The following CSMD1 variants were observed in gnomAD, a reference collection of about 807,000 sequenced individuals.
The protein encoded by CSMD1 is CUB and Sushi multiple domains 1, also known as CUB and sushi domain-containing protein 1.
A neutral mutation model predicts 417.5 loss-of-function variants in CSMD1; 213 were observed. The observed-to-expected ratio is 0.51, with a 90% CI of 0.46 to 0.57. The LOEUF is 0.57. Ranked by LOEUF, CSMD1 falls within the 20% of genes least tolerant of loss-of-function variation. CSMD1 has a pLI of 0.00. For synonymous variants in CSMD1, 2,862 were observed against 1,736.8 expected, an observed-to-expected ratio of 1.65 and a Z score of -16.11; for missense variants, 6,923 against 4,529.7, an observed-to-expected ratio of 1.53 and a Z score of -15.17.
chr8:4,665,323 T>C (rs1395888363), intron 1 of CSMD1, among the ~76,000 whole-genome samples: 2 of 152,212 alleles, frequency 1.3e-5, no homozygotes, highest in Admixed American at 1.3e-4. Flanking sequence ...CTTTGAAATT[T>C]GTAAGGTAAA....
chr8:3,443,848 G>T (rs1815141768), intron 12 of CSMD1, among the ~76,000 whole-genome samples: 1 of 152,284 alleles, frequency 6.6e-6, no homozygotes, highest in East Asian at 1.9e-4. Context: ...TGATGCATAT[G>T]GAAATGTTGG....
intron 3 of CSMD1, among the ~76,000 whole-genome samples, chr8:4,270,264 T>G (rs1162843109): frequency 6.6e-6 from 1 of 152,182 alleles, no homozygotes; most frequent in East Asian, 1.9e-4. Context: ...ATAGTTCTCA[T>G]TTTTAATTAA....
intron 3 of CSMD1, among the ~76,000 whole-genome samples, chr8:4,149,030 C>T (rs1796431921): frequency 1.3e-5 from 2 of 150,848 alleles, no homozygotes; most frequent in Admixed American, 1.3e-4. Context: ...GTGGCACAAT[C>T]TTTGCTCACT....
chr8:3,954,829 G>C (rs186859161), intron 5 of CSMD1, among the ~76,000 whole-genome samples: 19 of 152,222 alleles, frequency 1.2e-4, no homozygotes, highest in Admixed American at 1.2e-3. Context: ...AGCATGCGCA[G>C]TGTGGCAGGG....
At chr8:3,024,597 A>G (rs144205512) in intron 51 of CSMD1, among the ~76,000 whole-genome samples, 2 of 152,292 alleles carry the variant, frequency 1.3e-5, no homozygotes, top group African/African-American at 4.8e-5. Context: ...ATGAGCCACC[A>G]TGCCTAGCCT....
intron 3 of CSMD1, among the ~76,000 whole-genome samples, chr8:4,041,344 G>A (rs1416963367): frequency 6.6e-6 from 1 of 151,982 alleles, no homozygotes; most frequent in Non-Finnish European, 1.5e-5. Flanking sequence ...AACACTAGAA[G>A]AATTAATCCA....
chr8:3,407,901 G>T lies in CSMD1; in HGVS notation c.2069C>A (p.Thr690Asn). ...GTTGACTGTGTGGGCGTACTTACTGGTGTAAGTGATGTTGAACCCTCTGCC... is the reference window on the plus strand; with the variant it reads ...GTTGACTGTGTGGGCGTACTTACTGTTGTAAGTGATGTTGAACCCTCTGCC... ...TTGRGFNITY[T>N]TFGQNECHDP... Residue 690 changes from threonine (T) to asparagine (N), a missense_variant and splice_region_variant, in exon 14 of 70, where the codon ACC becomes AAC. Transcript: ENST00000635120. The T allele has an allele frequency of 6.2e-7, 1 of 1,604,204 alleles. No homozygotes were observed. The highest frequency in any genetic ancestry group is 1.3e-5 in the African/African-American group (1 of 74,868).
In CSMD1 at chr8:4,143,147, C is replaced by A. The variant is rs541594226; in HGVS notation, c.416-111048G>T. 2.1e-5 allele frequency among the ~76,000 whole-genome samples: 3 copies of A among 139,812 alleles called. No individual in the cohort carries two copies. The South Asian group carries it at 7.1e-4, about 33-fold the overall frequency. 91.7% of individuals were successfully genotyped at this position (139,812 alleles called of 152,430 possible). On this transcript the variant is annotated intron_variant, in intron 3 of 69. Transcript: ENST00000635120. The stretch of plus-strand genomic sequence containing the variant: ...ATTGGAATTAGCATTTCTAGAGAAA[C>A]AAATGCACTAGCAAATGTGAGTGTT...
At chr8:4,110,010 C>G (rs544095376) in intron 3 of CSMD1, among the ~76,000 whole-genome samples, 132 of 152,194 alleles carry the variant, frequency 8.7e-4, no homozygotes, top group African/African-American at 3.1e-3. Flanking sequence ...CCTGTGTTAA[C>G]TAAAATGATT....
chr8:2,994,393 G>A (rs1457397808), intron 54 of CSMD1, among the ~76,000 whole-genome samples: 2 of 152,078 alleles, frequency 1.3e-5, no homozygotes, highest in Non-Finnish European at 2.9e-5. Flanking sequence ...ACAGAAGTGT[G>A]CACCTGCTGT....
chr8:4,745,744 C>G (rs577056102), intron 1 of CSMD1, among the ~76,000 whole-genome samples: 1 of 152,254 alleles, frequency 6.6e-6, no homozygotes, highest in East Asian at 1.9e-4. Flanking sequence ...GTAACACTCT[C>G]CAACATATTT....
intron 3 of CSMD1, among the ~76,000 whole-genome samples, chr8:4,285,716 G>A (rs1192911086): frequency 1.3e-5 from 2 of 152,134 alleles, no homozygotes; most frequent in Non-Finnish European, 2.9e-5. Flanking sequence ...AAACAGTCAG[G>A]GCCACAGGCT....
intron 5 of CSMD1, among the ~76,000 whole-genome samples, chr8:3,920,841 G>C (rs1271069877): frequency 6.6e-6 from 1 of 152,102 alleles, no homozygotes; most frequent in Non-Finnish European, 1.5e-5. Context: ...TGTGGTGTAT[G>C]ATCCCTTTAA....
At chr8:3,294,887 T>G (rs1389073929) in intron 25 of CSMD1, among the ~76,000 whole-genome samples, 4 of 152,198 alleles carry the variant, frequency 2.6e-5, no homozygotes, top group Admixed American at 6.5e-5. Context: ...TAGTTGGAAA[T>G]GGAGAAATCG....
chr8:3,474,530 G>T (rs1463610049), intron 11 of CSMD1, among the ~76,000 whole-genome samples: 1 of 152,112 alleles, frequency 6.6e-6, no homozygotes, highest in Non-Finnish European at 1.5e-5. Flanking sequence ...TTAAAAGTGT[G>T]TATAGTTCAC....
chr8:3,894,164 C>T (rs1296392167), intron 5 of CSMD1, among the ~76,000 whole-genome samples: 4 of 152,186 alleles, frequency 2.6e-5, no homozygotes, highest in African/African-American at 9.7e-5. Context: ...CTCTATGCTA[C>T]ACTTCTTTTG....
intron 3 of CSMD1, among the ~76,000 whole-genome samples, chr8:4,146,630 G>A (rs1390431964): frequency 1.2e-4 from 4 of 32,442 alleles, no homozygotes; most frequent in South Asian, 1.1e-3. Context: ...TTTTTTTTTT[G>A]AGACAGAGTC....
intron 3 of CSMD1, among the ~76,000 whole-genome samples, chr8:4,153,914 G>C (rs1274431354): frequency 6.6e-6 from 1 of 152,192 alleles, no homozygotes; most frequent in South Asian, 2.1e-4. Context: ...ATCTAACCCA[G>C]CCAACGAGGC....
intron 3 of CSMD1, among the ~76,000 whole-genome samples, chr8:4,269,366 C>G (rs1197617870): frequency 3.9e-5 from 6 of 152,090 alleles, no homozygotes; most frequent in Non-Finnish European, 5.9e-5. Flanking sequence ...GTGCCTGGCT[C>G]CATTTTCATC....
Sources: gnomAD v4.1 joint callset for allele counts (sites outside exome capture counted in the v4.1 genomes callset) on GRCh38, gnomAD v4.1.1 for gene constraint, MANE v1.5 for transcripts, NCBI Gene and HGNC (gene_info 2026-07-23, HGNC 2026-07-21) for gene names.